CRTC2: variants seen among roughly 807,000 people sequenced by gnomAD.
CRTC2 encodes the protein CREB-regulated transcription coactivator 2.
Under a neutral mutation model 70.9 loss-of-function variants are expected in CRTC2, and 25 were observed. The ratio of observed to expected loss-of-function variants is 0.35; its 90% CI spans 0.26 to 0.49. CRTC2 has a LOEUF of 0.49. Ranked by LOEUF, CRTC2 falls within the 20% of genes least tolerant of loss-of-function variation. The pLI is 0.98. For synonymous variants in CRTC2, 330 were observed against 364.1 expected, an observed-to-expected ratio of 0.91 and a Z score of 1.07; for missense variants, 737 against 882.6, an observed-to-expected ratio of 0.83 and a Z score of 2.09.
intron 11 of CRTC2, among the ~76,000 whole-genome samples, chr1:153,950,325 GA>G (rs1417203793): frequency 2.0e-5 from 3 of 152,164 alleles, no homozygotes; most frequent in Admixed American, 2.0e-4. Flanking sequence ...GAGGGGGTGG[GA>G]AAAGAAAGAA....
intron 1 of CRTC2, 52 bp downstream of exon 1, chr1:153,958,293 T>C (rs1680745394): frequency 6.3e-7 from 1 of 1,580,218 alleles, no homozygotes; most frequent in Non-Finnish European, 8.6e-7. Context: ...CTCTCCGGTC[T>C]CCGCTCCGTA....
Position 153,952,456 on chromosome 1 carries a change from G to A in CRTC2, c.703-10C>T, listed in dbSNP as rs189404321. On this transcript the variant is annotated splice_polypyrimidine_tract_variant and intron_variant, in intron 8 of 13. Coordinates refer to ENST00000368633, the MANE Select transcript of CRTC2 (RefSeq NM_181715.3). ...AAGAGGATGAGGATAGCTGAGGAGA[G>A]AAGGGAGAATATGGAAAATGAGGAC... 128 of 1,614,154 alleles carry A rather than the reference G, an allele frequency of 7.9e-5. No individual in the cohort carries two copies. The East Asian group carries it at 2.8e-3, about 36-fold the overall frequency.
In CRTC2 at chr1:153,952,454, G is replaced by C. The variant is rs550576187; in HGVS notation, c.703-8C>G. ...GGAAGAGGATGAGGATAGCTGAGGA[G>C]AGAAGGGAGAATATGGAAAATGAGG... is the stretch of plus-strand genomic sequence containing the variant. On this transcript the variant is annotated splice_region_variant and splice_polypyrimidine_tract_variant and intron_variant, in intron 8 of 13. Coordinates refer to ENST00000368633, the MANE Select transcript of CRTC2 (RefSeq NM_181715.3). 2 of 1,614,174 alleles carry C rather than the reference G, an allele frequency of 1.2e-6. No homozygotes were observed. Among genetic ancestry groups the C allele is most frequent in the African/African-American group, 2.7e-5 (2 of 75,064 alleles).
At position 153,949,294 on chromosome 1, in the gene CRTC2, G is replaced by T. The variant is rs1359495278; in HGVS notation, c.1495C>A (p.Pro499Thr). 2.5e-6 allele frequency: 4 copies of T among 1,614,006 alleles called. No individual in the cohort carries two copies. The highest frequency in any genetic ancestry group is 3.4e-6 in the Non-Finnish European group (4 of 1,180,028). The change falls in exon 12 of 14, where the codon CCC (proline) becomes ACC (threonine). Residue 499 changes from proline to threonine, a missense_variant. This residue lies in a region of CRTC2 where 699 missense variants were observed against 823.7 expected (regional missense o/e 0.85). Transcript: ENST00000368633. ...TGCTGTAGAGACTTTGGGGTGTGGGGCTGGGTAGGCAGAACCAGACTTGGG... is the reference window on the plus strand; with the variant it reads ...TGCTGTAGAGACTTTGGGGTGTGGGTCTGGGTAGGCAGAACCAGACTTGGG... ...SSPSLVLPTQPHTPKSLQQPG... is the reference protein window; with the variant it reads ...SSPSLVLPTQTHTPKSLQQPG...
In CRTC2 at chr1:153,953,375, G is replaced by T. The variant is rs1296922809; in HGVS notation, c.504-6C>A. 1.9e-6 allele frequency: 3 copies of T among 1,597,824 alleles called. No homozygotes were observed. Among genetic ancestry groups the T allele is most frequent in the South Asian group, 1.1e-5 (1 of 89,838 alleles). On this transcript the variant is annotated splice_region_variant and splice_polypyrimidine_tract_variant and intron_variant, in intron 5 of 13. Coordinates refer to ENST00000368633, the MANE Select transcript of CRTC2 (RefSeq NM_181715.3). ...GGGCAGAGTCAGAGCTTGTCCTATG[G>T]GGGGAGCAGGAATGAGCTGACACCA...
chr1:153,952,906 G>A lies in CRTC2; in HGVS notation c.608-72C>T, dbSNP rs933305359. On this transcript the variant is annotated intron_variant, in intron 6 of 13. Transcript: ENST00000368633. ...TGCTTTAAATAGCTCCATGGAGGCC[G>A]GGTATGGTGGCTCATGCCTGTAATC... The A allele has an allele frequency of 1.3e-5, 21 of 1,566,040 alleles. 1 individual carries two copies. The highest frequency in any genetic ancestry group is 5.5e-5 in the South Asian group (5 of 90,182).
intron 10 of CRTC2, 171 bp from the exon 11 acceptor site, chr1:153,951,837 T>G: frequency 9.3e-7 from 1 of 1,079,130 alleles, no homozygotes; most frequent in South Asian, 1.6e-5. Context: ...CTCTTCTTTC[T>G]AGGAAACACC....
rs540970494 is a variant in CRTC2, at chr1:153,955,055, G to A, written c.255+10C>T. 5.6e-6 allele frequency: 9 copies of A among 1,613,750 alleles called. No individual in the cohort carries two copies. In the African/African-American group the frequency reaches 1.1e-4, roughly 19 times the overall value. Reference sequence around the variant, plus strand: ...GAAACTCCACTCCTCCCTGGCTGGGGTCTACTCACCTGGAACTCGGCCAGG... The same window carrying A: ...GAAACTCCACTCCTCCCTGGCTGGGATCTACTCACCTGGAACTCGGCCAGG... On this transcript the variant is annotated intron_variant, in intron 2 of 13. Coordinates refer to ENST00000368633, the MANE Select transcript of CRTC2 (RefSeq NM_181715.3).
rs750735337 is a variant in CRTC2 at position 153,951,534 on chromosome 1, A to G, written c.1130T>C (p.Leu377Ser). 7 of 1,606,990 alleles carry G rather than the reference A, an allele frequency of 4.4e-6. No individual in the cohort carries two copies. In the African/African-American group the frequency reaches 8.0e-5, roughly 18 times the overall value. Residue 377 changes from leucine (L) to serine (S), a missense_variant, in exon 11 of 14, where the codon TTG becomes TCG. Leu to Ser is a moderately radical substitution (Grantham distance 145). Coordinates refer to ENST00000368633, the MANE Select transcript of CRTC2 (RefSeq NM_181715.3). ...GGTGGTGGGCAGTACATGGCGGGCCAAGGAGGAGGCAGGCAGAGAGGGGTG... is the reference window on the plus strand; with the variant it reads ...GGTGGTGGGCAGTACATGGCGGGCCGAGGAGGAGGCAGGCAGAGAGGGGTG... ...HSHPSLPASS[L>S]ARHVLPTTSL... is the part of the protein sequence containing the mutation.
intron 3 of CRTC2, 86 bp downstream of exon 3, chr1:153,954,787 A>G: frequency 8.5e-7 from 1 of 1,180,346 alleles, no homozygotes. Context: ...GAAGGGACGC[A>G]CAACACTTCA....
rs771814260 is a variant in CRTC2, at chr1:153,951,511, T to C, written c.1153A>G (p.Thr385Ala). 1.0e-5 allele frequency: 16 copies of C among 1,597,984 alleles called. No homozygotes were observed. Among genetic ancestry groups the C allele is most frequent in the African/African-American group, 1.4e-5 (1 of 73,396 alleles). ...SSLARHVLPT[T>A]SLGHPSLSAP... ...CTGAGTGAGGGGTGGCCCAGGGAGG[T>C]GGTGGGCAGTACATGGCGGGCCAAG... Residue 385 changes from threonine (T) to alanine (A), a missense_variant, in exon 11 of 14, where the codon ACC (threonine) becomes GCC (alanine). Around this residue, in one of 3 missense-constraint regions of CRTC2, gnomAD observed 699 missense variants for 823.7 expected, o/e 0.85. Transcript: ENST00000368633.
Position 153,949,143 on chromosome 1 carries a change from C to T in CRTC2, c.1646G>A (p.Arg549Gln), listed in dbSNP as rs200773596. ...PSGHGQQSYH[R>Q]PMSDFNLGNL... Reference sequence around the variant, plus strand: ...CCCCAGGTTGAAGTCACTCATTGGCCGGTGGTAAGACTGTTGCCCATGCCC... The same window carrying T: ...CCCCAGGTTGAAGTCACTCATTGGCTGGTGGTAAGACTGTTGCCCATGCCC... Residue 549 changes from arginine (R) to glutamine (Q), a missense_variant, in exon 12 of 14, where the codon CGG becomes CAG. Around this residue, in one of 3 missense-constraint regions of CRTC2, gnomAD observed 699 missense variants for 823.7 expected, o/e 0.85. Coordinates refer to ENST00000368633, the MANE Select transcript of CRTC2 (RefSeq NM_181715.3). 3.4e-5 allele frequency: 54 copies of T among 1,610,990 alleles called. No individual in the cohort carries two copies. The Admixed American group carries it at 6.4e-4, about 19-fold the overall frequency.
At chr1:153,954,003 C>T (rs1473530544) in intron 4 of CRTC2, among the ~76,000 whole-genome samples, 1 of 152,226 alleles carries the variant, frequency 6.6e-6, no homozygotes, top group Non-Finnish European at 1.5e-5. Flanking sequence ...ACACACACCC[C>T]AGCCTGGCTA....
At chr1:153,951,735 A>T in intron 10 of CRTC2, 69 bp from the exon 11 acceptor site, 5 of 1,511,252 alleles carry the variant, frequency 3.3e-6, no homozygotes, top group Non-Finnish European at 4.5e-6. Context: ...TTCCACCCAG[A>T]ATGGGTGGCA....
In CRTC2 at chr1:153,947,888, T is replaced by G. The variant is rs1680096261; in HGVS notation, c.*221A>C. ...CAGACAGACGGTTCAAAGTTACAAG[T>G]GCTTTAGGCCCTCCCTTGAGTTCCC... On this transcript the variant is annotated 3_prime_UTR_variant, in exon 14 of 14. Transcript: ENST00000368633. 2 of 581,474 alleles carry G rather than the reference T, an allele frequency of 3.4e-6. No homozygotes were observed. The highest frequency in any genetic ancestry group is 6.1e-6 in the Non-Finnish European group (2 of 326,602). The allele number at this position is 581,474 out of a possible 1,614,324, so 36.0% of individuals were successfully genotyped here.
At chr1:153,956,860 G>A (rs1299977185) in intron 1 of CRTC2, among the ~76,000 whole-genome samples, 6 of 152,144 alleles carry the variant, frequency 3.9e-5, no homozygotes, top group Non-Finnish European at 7.4e-5. Flanking sequence ...TCGAGGCACC[G>A]TAAAGAGAAG....
At chr1:153,951,923 G>T in intron 10 of CRTC2, 95 bp downstream of exon 10, 4 of 1,484,676 alleles carry the variant, frequency 2.7e-6, no homozygotes, top group Non-Finnish European at 3.6e-6. Context: ...CGGTGTGGGT[G>T]ATCACAGCAG....
chr1:153,958,232 G>A, intron 1 of CRTC2, 113 bp downstream of exon 1: 1 of 1,444,800 alleles, frequency 6.9e-7, no homozygotes. Flanking sequence ...CGGCGCCCGC[G>A]TCCCCTGCTC....
rs888089211 is a variant in CRTC2, at chr1:153,953,379, G to A, written c.504-10C>T. ...AGAGTCAGAGCTTGTCCTATGGGGGGAGCAGGAATGAGCTGACACCAGTGA... is the reference window on the plus strand; with the variant it reads ...AGAGTCAGAGCTTGTCCTATGGGGGAAGCAGGAATGAGCTGACACCAGTGA... On this transcript the variant is annotated splice_polypyrimidine_tract_variant and intron_variant, in intron 5 of 13. Coordinates refer to ENST00000368633, the MANE Select transcript of CRTC2 (RefSeq NM_181715.3). 3 of 1,579,550 alleles carry A rather than the reference G, an allele frequency of 1.9e-6. No individual in the cohort carries two copies. The highest frequency in any genetic ancestry group is 2.7e-5 in the African/African-American group (2 of 73,718).
Sources: allele counts gnomAD v4.1 joint callset (sites outside exome capture counted in the v4.1 genomes callset), GRCh38; gene constraint gnomAD v4.1.1; regional missense constraint gnomAD v4.1.1; transcripts MANE v1.5; gene names NCBI Gene and HGNC (gene_info 2026-07-23, HGNC 2026-07-21).